GLIS3: variants seen among roughly 807,000 people sequenced by gnomAD.
The protein encoded by GLIS3 is zinc finger protein GLIS3.
GLIS3 carries 53 observed loss-of-function variants against 78.6 expected under a neutral mutation model. That is an observed-to-expected ratio of 0.67 (90% CI 0.54 to 0.85). The LOEUF (loss-of-function observed/expected upper bound fraction) is 0.85. Ranked by LOEUF, GLIS3 falls within the 40% of genes least tolerant of loss-of-function variation. The pLI is 0.00. For missense variants in GLIS3, 1,703 were observed against 1,231.1 expected (o/e 1.38, Z -5.74); for synonymous variants, 684 against 509.9 (o/e 1.34, Z -4.60).
chr9:4,226,168 G>A (rs1478316476), intron 2 of GLIS3, among the ~76,000 whole-genome samples: 1 of 152,138 alleles, frequency 6.6e-6, no homozygotes, highest in African/African-American at 2.4e-5. Context: ...CTTCTCAACA[G>A]ATAACGTATT....
At chr9:4,035,768 T>A (rs992231890) in intron 4 of GLIS3, 3 of 152,296 alleles carry the variant, frequency 2.0e-5, no homozygotes, top group Admixed American at 2.0e-4. Context: ...TTCCACCACA[T>A]CGGTCTTCCT....
At chr9:4,135,893 C>G (rs1461276740) in intron 2 of GLIS3, among the ~76,000 whole-genome samples, 2 of 152,170 alleles carry the variant, frequency 1.3e-5, no homozygotes, top group African/African-American at 4.8e-5. Context: ...ACCAAACACC[C>G]TAGGCTTGCT....
At chr9:4,452,928 G>T in the GLIS3 span, among the ~76,000 whole-genome samples, 1 of 152,148 alleles carries the variant, frequency 6.6e-6, no homozygotes, top group Non-Finnish European at 1.5e-5. Flanking sequence ...CAAGGCTACA[G>T]TAACCAAAAC....
chr9:3,945,341 TAAAGA>T (rs1337799045), intron 4 of GLIS3, among the ~76,000 whole-genome samples: 1 of 152,210 alleles, frequency 6.6e-6, no homozygotes, highest in Non-Finnish European at 1.5e-5. Flanking sequence ...TACTCTATAT[TAAAGA>T]AAAGAATTAT....
At chr9:3,964,655 T>G (rs986176917) in intron 4 of GLIS3, among the ~76,000 whole-genome samples, 1 of 152,226 alleles carries the variant, frequency 6.6e-6, no homozygotes, top group African/African-American at 2.4e-5. Context: ...ATACCTTGCC[T>G]GTCATGCTGG....
chr9:3,987,708 AG>A (rs1488188743), intron 4 of GLIS3, among the ~76,000 whole-genome samples: 1 of 148,886 alleles, frequency 6.7e-6, no homozygotes, highest in Non-Finnish European at 1.5e-5. Context: ...AAAAAAAAAA[AG>A]AAAAAGAAAA....
the GLIS3 span, among the ~76,000 whole-genome samples, chr9:4,366,569 T>A: frequency 6.6e-6 from 1 of 152,182 alleles, no homozygotes; most frequent in Non-Finnish European, 1.5e-5. Flanking sequence ...TCATGAATTT[T>A]AAAAACCATG....
intron 2 of GLIS3, among the ~76,000 whole-genome samples, chr9:4,173,624 C>A (rs1816571115): frequency 6.8e-6 from 1 of 146,428 alleles, no homozygotes; most frequent in South Asian, 2.2e-4. Context: ...GTTTTTGAAA[C>A]AAGGTCTTGA....
the GLIS3 span, among the ~76,000 whole-genome samples, chr9:4,381,253 G>A: frequency 1.3e-5 from 2 of 152,120 alleles, no homozygotes; most frequent in African/African-American, 4.8e-5. Context: ...GTATCTTAGA[G>A]GAATTTTAGG....
At chr9:4,477,529 C>T in the GLIS3 span, among the ~76,000 whole-genome samples, 1 of 152,052 alleles carries the variant, frequency 6.6e-6, no homozygotes, top group Non-Finnish European at 1.5e-5. Flanking sequence ...ATCCTCCCCC[C>T]TCGGTCTCTG....
the GLIS3 span, among the ~76,000 whole-genome samples, chr9:4,384,804 C>T: frequency 3.3e-5 from 5 of 152,118 alleles, no homozygotes; most frequent in South Asian, 1.0e-3. Context: ...CACTCCCACC[C>T]ACTCAACCTC....
chr9:4,132,051 A>T (rs60581804), intron 2 of GLIS3, among the ~76,000 whole-genome samples: 1,938 of 138,810 alleles, frequency 0.014, 23 homozygotes, highest in African/African-American at 0.033. Context: ...TGTTTTTTTT[A>T]AAAAAAAAAA....
intron 2 of GLIS3, among the ~76,000 whole-genome samples, chr9:4,184,065 G>C (rs4141597): frequency 0.069 from 10,433 of 152,026 alleles, 512 homozygotes; most frequent in East Asian, 0.22. Context: ...AAAGAAACAA[G>C]CACTGAAAAA....
At chr9:4,448,857 G>C in the GLIS3 span, among the ~76,000 whole-genome samples, 1 of 152,358 alleles carries the variant, frequency 6.6e-6, no homozygotes, top group East Asian at 1.9e-4. Context: ...TCCACTCCAA[G>C]ATGGCCAAAT....
intron 2 of GLIS3, among the ~76,000 whole-genome samples, chr9:4,275,570 G>A (rs1216692978): frequency 6.6e-6 from 1 of 151,116 alleles, no homozygotes; most frequent in Non-Finnish European, 1.5e-5. Context: ...GACCATCCTG[G>A]GCAACACAAC....
At chr9:4,219,015 G>A (rs1268038473) in intron 2 of GLIS3, among the ~76,000 whole-genome samples, 1 of 152,166 alleles carries the variant, frequency 6.6e-6, no homozygotes, top group Non-Finnish European at 1.5e-5. Context: ...ATTATCTCCA[G>A]CATTGCCTGG....
rs1037839965 is a variant in GLIS3 at position 4,066,092 on chromosome 9, GA to G, written c.1710+51675del. ...ACTTAAATCCTTTAATGAATTTTAA[GA>G]AAAAAAAATCACATGTCAAGCCATT... On this transcript the variant is annotated intron_variant, in intron 4 of 10. Transcript: ENST00000381971. Among the ~76,000 whole-genome samples, 7 of 139,634 alleles carry G rather than the reference GA, an allele frequency of 5.0e-5. No individual in the cohort carries two copies. The East Asian group carries it at 6.4e-4, about 13-fold the overall frequency. The allele number at this position is 139,634 out of a possible 152,430, so 91.6% of individuals were successfully genotyped here. A position where few individuals can be genotyped will look rare whatever the true frequency, so the allele number is the denominator to read the frequency against.
intron 4 of GLIS3, among the ~76,000 whole-genome samples, chr9:3,976,795 CAAAAAAAAAAAA>C (rs540496174): frequency 3.8e-5 from 1 of 26,184 alleles, no homozygotes. Context: ...CCTCCCCCTG[CAAAAAAAAAAAA>C]AAAAAAAAAA....
At chr9:4,318,542 A>T (rs1319518407) in intron 2 of GLIS3, among the ~76,000 whole-genome samples, 1 of 152,212 alleles carries the variant, frequency 6.6e-6, no homozygotes, top group Non-Finnish European at 1.5e-5. Flanking sequence ...CCTCTGGCCA[A>T]TTATGGGCAA....
Sources: allele counts gnomAD v4.1 joint callset (sites outside exome capture counted in the v4.1 genomes callset), GRCh38; gene constraint gnomAD v4.1.1; transcripts MANE v1.5; gene names NCBI Gene and HGNC (gene_info 2026-07-23, HGNC 2026-07-21).